Variants in CDH12 observed in about 807,000 individuals in gnomAD.
CDH12 encodes the protein cadherin-12.
A neutral mutation model predicts 74.1 loss-of-function variants in CDH12; 41 were observed. That is an observed-to-expected ratio of 0.55 (90% CI 0.43 to 0.72). The LOEUF is 0.72. Among genes scored for constraint, CDH12 ranks in the 30% least tolerant of loss-of-function variants. The probability of loss-of-function intolerance (pLI) is 0.00; values close to 1 mark genes in which losing one functional copy is unlikely to be tolerated. For synonymous variants in CDH12, 399 were observed against 355.0 expected (o/e 1.12, Z -1.39); for missense variants, 945 against 977.2 (o/e 0.97, Z 0.44).
chr5:22,705,130 TAC>T (rs1554060406), intron 1 of CDH12, among the ~76,000 whole-genome samples: 3,581 of 125,448 alleles, frequency 0.029, 54 homozygotes, highest in African/African-American at 0.051. Context: ...TATATATATA[TAC>T]ACACACACAC....
chr5:22,049,850 T>C (rs1740231368), intron 5 of CDH12, among the ~76,000 whole-genome samples: 1 of 152,134 alleles, frequency 6.6e-6, no homozygotes, highest in Non-Finnish European at 1.5e-5. Context: ...TAGATTCTCT[T>C]CCTCAAGTTT....
In CDH12 at chr5:21,836,479, A is replaced by G. The variant is rs1340611780; in HGVS notation, c.814+5682T>C. 1.3e-5 allele frequency among the ~76,000 whole-genome samples: 2 copies of G among 149,740 alleles called. 1 individual carries two copies. Among genetic ancestry groups the G allele is most frequent in the East Asian group, 3.9e-4 (2 of 5,184 alleles). On this transcript the variant is annotated intron_variant, in intron 8 of 14. Transcript: ENST00000382254. ...GAAAGGAAAACACACACACACACAC[A>G]CACACACACACACACACACTCCTTC...
chr5:22,114,332 T>C (rs944518329), intron 4 of CDH12, among the ~76,000 whole-genome samples: 1 of 152,178 alleles, frequency 6.6e-6, no homozygotes, highest in Non-Finnish European at 1.5e-5. Flanking sequence ...ATTTTTTGTA[T>C]GATCATTTTC....
chr5:22,721,246 G>C (rs1178236218), intron 1 of CDH12, among the ~76,000 whole-genome samples: 1 of 152,226 alleles, frequency 6.6e-6, no homozygotes, highest in Non-Finnish European at 1.5e-5. Flanking sequence ...AGGGGCCAAG[G>C]TGGAGTGGAT....
chr5:22,020,010 C>T (rs4501308), intron 5 of CDH12, among the ~76,000 whole-genome samples: 34,225 of 151,270 alleles, frequency 0.23, 3,987 homozygotes, highest in South Asian at 0.33. Context: ...GCATTGGAGA[C>T]GAAAAAAATA....
chr5:21,766,443 A>G (rs377431102), intron 11 of CDH12, among the ~76,000 whole-genome samples: 6 of 152,080 alleles, frequency 3.9e-5, no homozygotes, highest in Non-Finnish European at 1.5e-5. Context: ...TATCTTATTT[A>G]ATAGAAACTG....
At chr5:22,464,113 C>G (rs1466238939) in intron 2 of CDH12, among the ~76,000 whole-genome samples, 1 of 152,110 alleles carries the variant, frequency 6.6e-6, no homozygotes, top group East Asian at 1.9e-4. Flanking sequence ...CTCACAAGAT[C>G]TGATGATTTT....
intron 6 of CDH12, chr5:21,883,965 GA>G (rs1489605484): frequency 6.2e-7 from 1 of 1,604,772 alleles, no homozygotes; most frequent in African/African-American, 1.3e-5. Context: ...TCCAGCTAAT[GA>G]AGATCAAAAA....
intron 3 of CDH12, among the ~76,000 whole-genome samples, chr5:22,225,249 A>G (rs1752155725): frequency 1.3e-5 from 2 of 152,100 alleles, no homozygotes; most frequent in Admixed American, 1.3e-4. Context: ...TTATAAATAT[A>G]CAATAGCATA....
intron 8 of CDH12, among the ~76,000 whole-genome samples, chr5:21,830,931 C>G (rs769117084): frequency 4.6e-5 from 7 of 151,654 alleles, no homozygotes; most frequent in African/African-American, 1.7e-4. Flanking sequence ...CCCAGCTACT[C>G]GGGAGGCTGA....
In CDH12 at chr5:21,792,598, CTTT is replaced by C. The variant is rs371352944; in HGVS notation, c.1257-9107_1257-9105del. Reference sequence around the variant, plus strand: ...CAAGTTGCTTAAGCTTTCCTCTGCCCTTTTTTTTTTTTTTTTTTTTCTTGGAAC... The same window carrying C: ...CAAGTTGCTTAAGCTTTCCTCTGCCCTTTTTTTTTTTTTTTTTCTTGGAAC... On this transcript the variant is annotated intron_variant, in intron 10 of 14. Transcript: ENST00000382254. 2.8e-3 allele frequency among the ~76,000 whole-genome samples: 343 copies of C among 121,720 alleles called. 2 individuals are homozygous for C. Among genetic ancestry groups the C allele is most frequent in the Middle Eastern group, 8.2e-3 (2 of 244 alleles). 79.9% of individuals were successfully genotyped at this position (121,720 alleles called of 152,430 possible).
chr5:22,617,330 G>T (rs1442833679), intron 1 of CDH12, among the ~76,000 whole-genome samples: 1 of 152,068 alleles, frequency 6.6e-6, no homozygotes, highest in African/African-American at 2.4e-5. Context: ...CAGCCTCTGA[G>T]AAATAAATTT....
chr5:22,686,540 C>CT (rs567629528), intron 1 of CDH12, among the ~76,000 whole-genome samples: 34 of 151,404 alleles, frequency 2.2e-4, no homozygotes, highest in African/African-American at 4.6e-4. Flanking sequence ...TGCATTTTGA[C>CT]TTTTTTTTTG....
At chr5:22,301,171 C>G (rs115064105) in intron 3 of CDH12, among the ~76,000 whole-genome samples, 1,795 of 152,158 alleles carry the variant, frequency 0.012, 16 homozygotes, top group Non-Finnish European at 0.015. Flanking sequence ...AAATTCTACC[C>G]AGGCGTATTT....
intron 1 of CDH12, among the ~76,000 whole-genome samples, chr5:22,823,991 T>G (rs1581037117): frequency 6.6e-6 from 1 of 152,084 alleles, no homozygotes; most frequent in East Asian, 1.9e-4. Context: ...TAAATCTCAA[T>G]CAAAATAAAT....
intron 3 of CDH12, among the ~76,000 whole-genome samples, chr5:22,259,960 C>T (rs1753452705): frequency 6.6e-6 from 1 of 151,858 alleles, no homozygotes; most frequent in Non-Finnish European, 1.5e-5. Context: ...AGAAAAAGGG[C>T]AAAAGCGTAA....
At position 21,894,457 on chromosome 5, in the gene CDH12, C is replaced by T. The variant is rs184928439; in HGVS notation, c.527-39667G>A. Among the ~76,000 whole-genome samples the T allele has an allele frequency of 1.2e-4, 18 of 147,202 alleles. No individual in the cohort carries two copies. The East Asian group carries it at 2.4e-3, about 20-fold the overall frequency. Reference sequence around the variant, plus strand: ...TATTCCCAGGACACTGATTTGATTACAAATATACAAATGTATTAAGTTATC... The same window carrying T: ...TATTCCCAGGACACTGATTTGATTATAAATATACAAATGTATTAAGTTATC... On this transcript the variant is annotated intron_variant, in intron 6 of 14. Transcript: ENST00000382254.
intron 2 of CDH12, among the ~76,000 whole-genome samples, chr5:22,461,131 G>C (rs1272727819): frequency 6.9e-6 from 1 of 145,284 alleles, no homozygotes; most frequent in Non-Finnish European, 1.5e-5. Flanking sequence ...GGGTTCAAGC[G>C]ATTCTCCTGC....
intron 2 of CDH12, among the ~76,000 whole-genome samples, chr5:22,450,338 G>T: frequency 6.6e-6 from 1 of 151,762 alleles, no homozygotes; most frequent in South Asian, 2.1e-4. Context: ...TAAAAAAATT[G>T]CCATGATCAA....
Sources: gnomAD v4.1 joint callset for allele counts (sites outside exome capture counted in the v4.1 genomes callset) on GRCh38, gnomAD v4.1.1 for gene constraint, MANE v1.5 for transcripts, NCBI Gene and HGNC (gene_info 2026-07-23, HGNC 2026-07-21) for gene names.